Variants in SIRPB2 observed in about 807,000 individuals in gnomAD.
The protein encoded by SIRPB2 is signal-regulatory protein beta-2.
Under a neutral mutation model 27.1 loss-of-function variants are expected in SIRPB2, and 18 were observed. That is an observed-to-expected ratio of 0.66 (90% CI 0.46 to 0.98). The LOEUF is 0.98. SIRPB2 is among the 50% of genes least tolerant of loss of function. The probability of loss-of-function intolerance (pLI) is 0.00; values close to 1 mark genes in which losing one functional copy is unlikely to be tolerated. For synonymous variants in SIRPB2, 150 were observed against 164.6 expected, an observed-to-expected ratio of 0.91 and a Z score of 0.68; for missense variants, 420 against 417.4, an observed-to-expected ratio of 1.01 and a Z score of -0.06.
rs372437115 is a variant in SIRPB2 at position 1,480,049 on chromosome 20, G to A, written c.102C>T (p.Ser34=). The change falls in exon 2 of 5, where the codon AGC becomes AGT. Residue 34 remains serine, a synonymous_variant. Transcript: ENST00000359801. The part of the protein sequence containing the change: ...VLVPSDASGQ[S]SRNDWQVLQP... ...GTAGCACCTGCCAGTCATTCCTGCTGCTCTGCCCAGAGGCATCTACAAAAG... is the reference window on the plus strand; with the variant it reads ...GTAGCACCTGCCAGTCATTCCTGCTACTCTGCCCAGAGGCATCTACAAAAG... The A allele has an allele frequency of 6.2e-7, 1 of 1,612,312 alleles. No homozygotes were observed. Among genetic ancestry groups the A allele is most frequent in the Non-Finnish European group, 8.5e-7 (1 of 1,179,418 alleles).
At chr20:1,476,889 A>G (rs1353709845) in intron 4 of SIRPB2, 24 of 1,158,366 alleles carry the variant, frequency 2.1e-5, no homozygotes, top group Non-Finnish European at 2.4e-5. Context: ...TGCACACACA[A>G]CCCCATGAAG....
intron 3 of SIRPB2, among the ~76,000 whole-genome samples, chr20:1,477,829 C>T (rs1167258602): frequency 6.6e-6 from 1 of 152,208 alleles, no homozygotes. Context: ...GCATGCACCA[C>T]CACGCCTGAC....
rs768500485 is a variant in SIRPB2 at position 1,480,015 on chromosome 20, C to T, written c.136G>A (p.Gly46Ser). Residue 46 changes from glycine to serine, a missense_variant, in exon 2 of 5, where the codon GGC becomes AGC. Gly to Ser is a moderately conservative substitution (Grantham distance 56). Transcript: ENST00000359801. The part of the protein sequence containing the change: ...RNDWQVLQPE[G>S]PMLVAEGETL... Reference sequence around the variant, plus strand: ...TCACCTTCTGCCACCAGCATGGGGCCCTCGGGCTGTAGCACCTGCCAGTCA... The same window carrying T: ...TCACCTTCTGCCACCAGCATGGGGCTCTCGGGCTGTAGCACCTGCCAGTCA... The T allele has an allele frequency of 5.3e-5, 86 of 1,613,950 alleles. No individual in the cohort carries two copies. In the Admixed American group the frequency reaches 1.1e-3, roughly 20 times the overall value.
At chr20:1,490,908 A>G (rs1183553533) in intron 1 of SIRPB2, among the ~76,000 whole-genome samples, 1 of 152,210 alleles carries the variant, frequency 6.6e-6, no homozygotes, top group Non-Finnish European at 1.5e-5. Context: ...CAGCCGGCCC[A>G]GGGCTGAGCC....
chr20:1,488,344 A>G (rs530312081), intron 1 of SIRPB2, among the ~76,000 whole-genome samples: 2 of 152,308 alleles, frequency 1.3e-5, no homozygotes, highest in Admixed American at 1.3e-4. Flanking sequence ...AGGGAGTTAA[A>G]ATCACAGTGA....
At chr20:1,485,102 G>T (rs1312550791) in intron 1 of SIRPB2, among the ~76,000 whole-genome samples, 2 of 151,958 alleles carry the variant, frequency 1.3e-5, no homozygotes, top group Non-Finnish European at 2.9e-5. Flanking sequence ...GTAGGGAGAG[G>T]GGCATGAGAG....
In SIRPB2 at chr20:1,476,242, A is replaced by C. The variant is rs201493997; in HGVS notation, c.954T>G (p.Pro318=). Residue 318 remains proline (P), a synonymous_variant, in exon 5 of 5, where the codon CCT becomes CCG. Coordinates refer to ENST00000359801, the MANE Select transcript of SIRPB2 (RefSeq NM_001122962.2). Reference sequence around the variant, plus strand: ...CTGTGGTCTTGACATCTTCTTGCCCAGGGCTCCTCCGAGAGGTAGCCAGGG... The same window carrying C: ...CTGTGGTCTTGACATCTTCTTGCCCCGGGCTCCTCCGAGAGGTAGCCAGGG... ...LLALATSRRS[P]GQEDVKTTGP... is the part of the protein sequence containing the mutation. 254 of 1,613,996 alleles carry C rather than the reference A, an allele frequency of 1.6e-4. No homozygotes were observed. In the East Asian group the frequency reaches 5.2e-3, roughly 33 times the overall value.
intron 1 of SIRPB2, among the ~76,000 whole-genome samples, chr20:1,482,228 A>G (rs1185089535): frequency 6.6e-6 from 1 of 152,084 alleles, no homozygotes; most frequent in Non-Finnish European, 1.5e-5. Context: ...TATTATTTCT[A>G]TGTGTTGGGT....
rs1381942419 is a variant in SIRPB2, at chr20:1,475,127, T to C, written c.*1040A>G. On this transcript the variant is annotated 3_prime_UTR_variant, in exon 5 of 5. Coordinates refer to ENST00000359801, the MANE Select transcript of SIRPB2 (RefSeq NM_001122962.2). ...TCTCTAGACATTGCCAAAAGTCCAG[T>C]GGGGGCAAAATCACTCATCTTGGGA... 6.6e-6 allele frequency: 1 copy of C among 152,120 alleles called. No homozygotes were observed. Among genetic ancestry groups the C allele is most frequent in the Non-Finnish European group, 1.5e-5 (1 of 68,038 alleles). 9.4% of individuals were successfully genotyped at this position (152,120 alleles called of 1,614,324 possible). A position where few individuals can be genotyped will look rare whatever the true frequency, so the allele number is the denominator to read the frequency against.
At chr20:1,490,752 G>A (rs759966554) in intron 1 of SIRPB2, among the ~76,000 whole-genome samples, 2 of 152,204 alleles carry the variant, frequency 1.3e-5, no homozygotes, top group Non-Finnish European at 2.9e-5. Flanking sequence ...AGCCAGGGCT[G>A]GTTCATGGCT....
At chr20:1,488,136 T>C (rs1600026337) in intron 1 of SIRPB2, among the ~76,000 whole-genome samples, 2 of 152,028 alleles carry the variant, frequency 1.3e-5, no homozygotes, top group East Asian at 3.8e-4. Context: ...AAAACACTTG[T>C]AAAAGAATAA....
intron 1 of SIRPB2, among the ~76,000 whole-genome samples, chr20:1,489,864 G>A (rs558177369): frequency 3.6e-4 from 55 of 152,236 alleles, no homozygotes; most frequent in African/African-American, 1.3e-3. Context: ...AGTGCAAAAC[G>A]GGAATGCAGG....
At chr20:1,490,489 C>A (rs534532682) in intron 1 of SIRPB2, among the ~76,000 whole-genome samples, 1 of 152,302 alleles carries the variant, frequency 6.6e-6, no homozygotes, top group East Asian at 1.9e-4. Flanking sequence ...ATTCAGGGGT[C>A]TCAAGACTCT....
chr20:1,491,181 G>A (rs561639836), intron 1 of SIRPB2, 94 bp downstream of exon 1: 24 of 1,157,470 alleles, frequency 2.1e-5, no homozygotes, highest in Middle Eastern at 4.0e-4. Flanking sequence ...ATCTTCATGG[G>A]GTCAAGCTTC....
chr20:1,488,997 G>T (rs2090752867), intron 1 of SIRPB2, among the ~76,000 whole-genome samples: 1 of 152,144 alleles, frequency 6.6e-6, no homozygotes, highest in African/African-American at 2.4e-5. Flanking sequence ...ATGGGAAAGG[G>T]TTTATCCATA....
chr20:1,477,477 G>A, intron 3 of SIRPB2, 74 bp from the exon 4 acceptor site: 1 of 1,540,462 alleles, frequency 6.5e-7, no homozygotes, highest in Non-Finnish European at 8.7e-7. Flanking sequence ...CCAGGAGCTG[G>A]GATCTCTGGG....
rs1460812816 is a variant in SIRPB2 at position 1,478,513 on chromosome 20, C to A, written c.546G>T (p.Val182=). The change falls in exon 3 of 5, where the codon GTG becomes GTT. Residue 182 remains valine, a synonymous_variant. Coordinates refer to ENST00000359801, the MANE Select transcript of SIRPB2 (RefSeq NM_001122962.2). ...TGDTVFLNCT[V]LGDGPPGPIR... Reference sequence around the variant, plus strand: ...TGGGTCCAGGGGGACCGTCTCCAAGCACTGTGCAGTTCAGAAAGACAGTGT... The same window carrying A: ...TGGGTCCAGGGGGACCGTCTCCAAGAACTGTGCAGTTCAGAAAGACAGTGT... 2.5e-6 allele frequency: 4 copies of A among 1,613,990 alleles called. No homozygotes were observed. Among genetic ancestry groups the A allele is most frequent in the Non-Finnish European group, 3.4e-6 (4 of 1,180,034 alleles).
At chr20:1,473,925 T>C, downstream of SIRPB2, 1 of 454,510 alleles carries the variant, frequency 2.2e-6, no homozygotes, top group South Asian at 1.6e-5. Context: ...AGTCCCGAAG[T>C]CTGAAATCAA....
At chr20:1,480,634 C>T (rs1379717215) in intron 1 of SIRPB2, among the ~76,000 whole-genome samples, 2 of 152,106 alleles carry the variant, frequency 1.3e-5, no homozygotes, top group South Asian at 4.1e-4. Context: ...TGTGAAGATA[C>T]AGGGAGAAGG....
Sources: gnomAD v4.1 joint callset for allele counts (sites outside exome capture counted in the v4.1 genomes callset) on GRCh38, gnomAD v4.1.1 for gene constraint, MANE v1.5 for transcripts, NCBI Gene and HGNC (gene_info 2026-07-23, HGNC 2026-07-21) for gene names.